Variants in GRIN3A observed in about 807,000 individuals in gnomAD.
The protein encoded by GRIN3A is glutamate receptor ionotropic, NMDA 3A.
In GRIN3A, 47 loss-of-function variants were observed where a neutral mutation model predicts 92.4. The ratio of observed to expected loss-of-function variants is 0.51; its 90% CI spans 0.40 to 0.65. The LOEUF (loss-of-function observed/expected upper bound fraction) is 0.65. GRIN3A is among the 30% of genes least tolerant of loss of function. The pLI is 0.00. For synonymous variants in GRIN3A, 527 were observed against 540.6 expected (o/e 0.97, Z 0.35); for missense variants, 1,324 against 1,393.1 (o/e 0.95, Z 0.79).
intron 5 of GRIN3A, among the ~76,000 whole-genome samples, chr9:101,614,608 ACTTTTTTTTTTT>A (rs1252718038): frequency 2.8e-4 from 36 of 128,404 alleles, no homozygotes; most frequent in African/African-American, 1.0e-3. Flanking sequence ...TATATGTGAT[ACTTTTTTTTTTT>A]TTTTTTTTTT....
At chr9:101,702,051 C>T (rs1428252974) in intron 1 of GRIN3A, among the ~76,000 whole-genome samples, 1 of 152,154 alleles carries the variant, frequency 6.6e-6, no homozygotes, top group Non-Finnish European at 1.5e-5. Context: ...CCTGTAATCT[C>T]AGCACCTTGT....
intron 3 of GRIN3A, among the ~76,000 whole-genome samples, chr9:101,660,697 T>C (rs1489492862): frequency 1.3e-5 from 2 of 151,710 alleles, no homozygotes; most frequent in Non-Finnish European, 2.9e-5. Flanking sequence ...TAATATGTAA[T>C]GGAATCAGAC....
At chr9:101,592,026 C>T (rs1828033422) in intron 6 of GRIN3A, 1 of 152,124 alleles carries the variant, frequency 6.6e-6, no homozygotes, top group African/African-American at 2.4e-5. Flanking sequence ...CAATAATGTC[C>T]TCTTGGCTAG....
At chr9:101,699,459 C>G (rs546313395) in intron 1 of GRIN3A, among the ~76,000 whole-genome samples, 3 of 152,300 alleles carry the variant, frequency 2.0e-5, no homozygotes, top group South Asian at 4.2e-4. Flanking sequence ...TTCTTCAACT[C>G]CATTATAATT....
At position 101,738,069 on chromosome 9, in the gene GRIN3A, C is replaced by A; in HGVS notation, c.-90G>T. On this transcript the variant is annotated 5_prime_UTR_variant, in exon 1 of 9. Coordinates refer to ENST00000361820, the MANE Select transcript of GRIN3A (RefSeq NM_133445.3). The stretch of plus-strand genomic sequence containing the variant: ...GCCTGAGGTCTCCGCCTCCAGGTCC[C>A]GCGCGCAGCTTCACTCCACTCGGTG... The A allele has an allele frequency of 9.0e-7, 1 of 1,113,368 alleles. No homozygotes were observed. Among genetic ancestry groups the A allele is most frequent in the Admixed American group, 2.0e-5 (1 of 50,446 alleles). The allele number at this position is 1,113,368 out of a possible 1,614,324, so 69.0% of individuals were successfully genotyped here.
chr9:101,623,710 C>A (rs1828589082), intron 4 of GRIN3A, among the ~76,000 whole-genome samples: 1 of 152,234 alleles, frequency 6.6e-6, no homozygotes, highest in African/African-American at 2.4e-5. Flanking sequence ...GCCAGAGCCA[C>A]TCTGAATTGA....
chr9:101,615,039 G>T (rs1828424892), intron 5 of GRIN3A, among the ~76,000 whole-genome samples: 1 of 152,020 alleles, frequency 6.6e-6, no homozygotes. Context: ...GAGTTAATTT[G>T]TTGTCAGAGT....
At chr9:101,655,338 T>A (rs2118924068) in intron 3 of GRIN3A, among the ~76,000 whole-genome samples, 1 of 152,078 alleles carries the variant, frequency 6.6e-6, no homozygotes, top group Admixed American at 6.6e-5. Flanking sequence ...CTACTTGATT[T>A]CATATTTGAC....
At chr9:101,736,902 T>C (rs1278477310) in intron 1 of GRIN3A, among the ~76,000 whole-genome samples, 1 of 152,024 alleles carries the variant, frequency 6.6e-6, no homozygotes, top group Non-Finnish European at 1.5e-5. Flanking sequence ...CCCACCCCCA[T>C]ACCCTGCTCT....
At chr9:101,722,744 C>A (rs1410307882) in intron 1 of GRIN3A, among the ~76,000 whole-genome samples, 1 of 152,168 alleles carries the variant, frequency 6.6e-6, no homozygotes, top group East Asian at 1.9e-4. Context: ...TGGACAATTT[C>A]TCCCATATAG....
At chr9:101,709,168 G>A (rs560825230) in intron 1 of GRIN3A, among the ~76,000 whole-genome samples, 17 of 151,818 alleles carry the variant, frequency 1.1e-4, no homozygotes, top group South Asian at 6.2e-4. Flanking sequence ...TCTAGAGGCC[G>A]GACATGATAA....
intron 1 of GRIN3A, among the ~76,000 whole-genome samples, chr9:101,722,570 G>A (rs1674105404): frequency 6.6e-6 from 1 of 152,220 alleles, no homozygotes; most frequent in Non-Finnish European, 1.5e-5. Context: ...GCTGTACCCT[G>A]CAAAGCCACA....
intron 5 of GRIN3A, among the ~76,000 whole-genome samples, chr9:101,618,705 A>T (rs559723423): frequency 6.6e-6 from 1 of 152,304 alleles, no homozygotes; most frequent in African/African-American, 2.4e-5. Flanking sequence ...GAGAAGACTT[A>T]TTTGTTAAAA....
chr9:101,682,741 G>A (rs1001900022), intron 2 of GRIN3A, among the ~76,000 whole-genome samples: 1 of 152,208 alleles, frequency 6.6e-6, no homozygotes, highest in African/African-American at 2.4e-5. Flanking sequence ...CCAGCACTTC[G>A]GGAGGCCGAG....
At chr9:101,617,945 A>C (rs1250370327) in intron 5 of GRIN3A, among the ~76,000 whole-genome samples, 1 of 151,898 alleles carries the variant, frequency 6.6e-6, no homozygotes, top group East Asian at 1.9e-4. Flanking sequence ...ATGATTTCCA[A>C]TTTCATCCAT....
chr9:101,707,981 T>C (rs975334744), intron 1 of GRIN3A, among the ~76,000 whole-genome samples: 11 of 151,990 alleles, frequency 7.2e-5, no homozygotes, highest in Non-Finnish European at 1.6e-4. Context: ...CTGCTGATTA[T>C]CAAGTGGGGA....
rs545626779 is a variant in GRIN3A, at chr9:101,648,752, G to A, written c.2353-20351C>T. Among the ~76,000 whole-genome samples, 7 of 151,970 alleles carry A rather than the reference G, an allele frequency of 4.6e-5. No individual in the cohort carries two copies. The East Asian group carries it at 1.4e-3, about 30-fold the overall frequency. The stretch of plus-strand genomic sequence containing the variant: ...GCTGGAGCTTTGTTAGTTTCTTTTG[G>A]TGATGTAGTATTTCCCCAAGTTTCA... On this transcript the variant is annotated intron_variant, in intron 3 of 8. Coordinates refer to ENST00000361820, the MANE Select transcript of GRIN3A (RefSeq NM_133445.3).
intron 1 of GRIN3A, among the ~76,000 whole-genome samples, chr9:101,732,296 T>C (rs1447309630): frequency 1.3e-5 from 2 of 152,244 alleles, no homozygotes; most frequent in Non-Finnish European, 1.5e-5. Context: ...GGAATAGGAG[T>C]GAGAGTGGGG....
At chr9:101,718,001 T>C (rs1829968190) in intron 1 of GRIN3A, among the ~76,000 whole-genome samples, 1 of 152,218 alleles carries the variant, frequency 6.6e-6, no homozygotes, top group African/African-American at 2.4e-5. Flanking sequence ...TCCACCGCAG[T>C]GAATGAGGAC....
Sources: allele counts gnomAD v4.1 joint callset (sites outside exome capture counted in the v4.1 genomes callset), GRCh38; gene constraint gnomAD v4.1.1; transcripts MANE v1.5; gene names NCBI Gene and HGNC (gene_info 2026-07-23, HGNC 2026-07-21).